Variants in PHACTR4 observed in about 807,000 individuals in gnomAD.
PHACTR4 encodes the protein phosphatase and actin regulator 4, also known as protein phosphatase 1, regulatory subunit 124.
In PHACTR4, 51 loss-of-function variants were observed where a neutral mutation model predicts 72.7. The ratio of observed to expected loss-of-function variants is 0.70; its 90% CI spans 0.56 to 0.89. PHACTR4 has a LOEUF of 0.89. PHACTR4 is among the 40% of genes least tolerant of loss of function. The pLI is 0.00. For missense variants in PHACTR4, 731 were observed against 861.8 expected (o/e 0.85, Z 1.90); for synonymous variants, 255 against 302.5 (o/e 0.84, Z 1.63).
At chr1:28,464,044 CTTTTTTT>C (rs74771369) in intron 4 of PHACTR4, among the ~76,000 whole-genome samples, 2 of 131,360 alleles carry the variant, frequency 1.5e-5, no homozygotes, top group Non-Finnish European at 1.6e-5. Flanking sequence ...ATAACCATTT[CTTTTTTT>C]TTTTTTTTTT....
chr1:28,482,992 C>T (rs1660374648), intron 9 of PHACTR4, among the ~76,000 whole-genome samples: 1 of 151,276 alleles, frequency 6.6e-6, no homozygotes, highest in South Asian at 2.1e-4. Context: ...TACCTCAGGG[C>T]AAGTTTTCCC....
At chr1:28,417,298 A>C (rs1655165850) in intron 2 of PHACTR4, among the ~76,000 whole-genome samples, 1 of 152,098 alleles carries the variant, frequency 6.6e-6, no homozygotes, top group Non-Finnish European at 1.5e-5. Context: ...ATAATACTGA[A>C]CCCCAATATG....
intron 1 of PHACTR4, among the ~76,000 whole-genome samples, chr1:28,385,463 GA>G (rs1557777834): frequency 6.7e-6 from 1 of 148,636 alleles, no homozygotes; most frequent in East Asian, 2.0e-4. Context: ...AGAATTGCTT[GA>G]ACCTGGAGGC....
intron 2 of PHACTR4, among the ~76,000 whole-genome samples, chr1:28,411,747 C>T (rs79914199): frequency 0.027 from 4,141 of 152,088 alleles, 88 homozygotes; most frequent in Non-Finnish European, 0.04. Flanking sequence ...TAGAAATCAC[C>T]ACTAAAGAAC....
intron 2 of PHACTR4, among the ~76,000 whole-genome samples, chr1:28,447,389 T>G (rs1024810002): frequency 6.7e-6 from 1 of 149,752 alleles, no homozygotes; most frequent in African/African-American, 2.5e-5. Context: ...TTCCTCTTTC[T>G]TTTTTCTTTT....
intron 2 of PHACTR4, among the ~76,000 whole-genome samples, chr1:28,452,134 G>T (rs1472944284): frequency 6.6e-6 from 1 of 152,056 alleles, no homozygotes; most frequent in Non-Finnish European, 1.5e-5. Flanking sequence ...TTTCAACTGT[G>T]TGGGTTCTTA....
Position 28,449,726 on chromosome 1 carries a change from C to A in PHACTR4, c.17-9359C>A, listed in dbSNP as rs534175047. Among the ~76,000 whole-genome samples, 5 of 152,064 alleles carry A rather than the reference C, an allele frequency of 3.3e-5. No individual in the cohort carries two copies. The East Asian group carries it at 9.7e-4, about 29-fold the overall frequency. On this transcript the variant is annotated intron_variant, in intron 2 of 13. Coordinates refer to ENST00000373839, the MANE Select transcript of PHACTR4 (RefSeq NM_001048183.3). ...AGTTAGCCAGGCGTGGTGGTGGGCA[C>A]CTGTAATCCCAGCTACTTGGGAGGC...
At chr1:28,423,441 A>G (rs973023952) in intron 2 of PHACTR4, among the ~76,000 whole-genome samples, 8 of 147,724 alleles carry the variant, frequency 5.4e-5, no homozygotes, top group Non-Finnish European at 1.2e-4. Flanking sequence ...ATAAATAAAT[A>G]AATGAGTAAA....
chr1:28,469,677 T>A (rs1225112715), intron 6 of PHACTR4, among the ~76,000 whole-genome samples: 1 of 151,074 alleles, frequency 6.6e-6, no homozygotes, highest in Non-Finnish European at 1.5e-5. Context: ...TTTCCAAAAA[T>A]ATCTCTTTCA....
chr1:28,391,003 G>T (rs1170748715), intron 1 of PHACTR4, among the ~76,000 whole-genome samples: 1 of 150,854 alleles, frequency 6.6e-6, no homozygotes, highest in Non-Finnish European at 1.5e-5. Flanking sequence ...GCTGAGGTGG[G>T]AAGATCTCAC....
At chr1:28,433,220 C>T (rs1440263743) in intron 2 of PHACTR4, among the ~76,000 whole-genome samples, 9 of 152,186 alleles carry the variant, frequency 5.9e-5, no homozygotes, top group African/African-American at 2.2e-4. Flanking sequence ...AGTGATTCTT[C>T]CTTTTACATT....
chr1:28,379,179 T>G (rs1313848309), intron 1 of PHACTR4, among the ~76,000 whole-genome samples: 1 of 152,104 alleles, frequency 6.6e-6, no homozygotes, highest in Non-Finnish European at 1.5e-5. Context: ...GGTCTTGAAC[T>G]CCTAGGCTTA....
intron 9 of PHACTR4, among the ~76,000 whole-genome samples, chr1:28,486,217 G>C (rs767415275): frequency 5.9e-5 from 9 of 152,080 alleles, no homozygotes; most frequent in African/African-American, 2.2e-4. Flanking sequence ...TTAGCTGGGC[G>C]TGGTAGCACA....
At chr1:28,371,996 C>T (rs543762555) in intron 1 of PHACTR4, among the ~76,000 whole-genome samples, 1 of 152,112 alleles carries the variant, frequency 6.6e-6, no homozygotes, top group Non-Finnish European at 1.5e-5. Context: ...ATTCTCCTGC[C>T]TCAGCCTCCC....
At chr1:28,424,219 T>C (rs1259066145) in intron 2 of PHACTR4, among the ~76,000 whole-genome samples, 1 of 152,072 alleles carries the variant, frequency 6.6e-6, no homozygotes, top group Non-Finnish European at 1.5e-5. Flanking sequence ...TGAGGCAGGG[T>C]CTCACTCTGT....
In PHACTR4 at chr1:28,409,367, C is replaced by T. The variant is rs1383398384; in HGVS notation, c.16+1904C>T. Among the ~76,000 whole-genome samples, 5 of 152,106 alleles carry T rather than the reference C, an allele frequency of 3.3e-5. No individual in the cohort carries two copies. In the East Asian group the frequency reaches 5.8e-4, roughly 18 times the overall value. ...TAGCTAGGACTACAGGCATACTCCA[C>T]CACTCCTGGCCCTATTTTTAACTGA... is the stretch of plus-strand genomic sequence containing the variant. On this transcript the variant is annotated intron_variant, in intron 2 of 13. Coordinates refer to ENST00000373839, the MANE Select transcript of PHACTR4 (RefSeq NM_001048183.3).
intron 2 of PHACTR4, among the ~76,000 whole-genome samples, chr1:28,413,532 A>G (rs1654913772): frequency 1.3e-5 from 2 of 152,086 alleles, no homozygotes; most frequent in African/African-American, 4.8e-5. Flanking sequence ...ATAATTATCT[A>G]ATTCATTTCT....
Position 28,496,721 on chromosome 1 carries a change from G to A in PHACTR4, c.*172G>A. The stretch of plus-strand genomic sequence containing the variant: ...ATTTCACTGGAACAGAGTCTTATGT[G>A]CTGCACCGGGGGCAAAACAACACTT... On this transcript the variant is annotated 3_prime_UTR_variant, in exon 14 of 14. Coordinates refer to ENST00000373839, the MANE Select transcript of PHACTR4 (RefSeq NM_001048183.3). 3 of 729,874 alleles carry A rather than the reference G, an allele frequency of 4.1e-6. No homozygotes were observed. Among genetic ancestry groups the A allele is most frequent in the Non-Finnish European group, 4.7e-6 (2 of 426,732 alleles). 45.2% of individuals were successfully genotyped at this position (729,874 alleles called of 1,614,324 possible).
At chr1:28,381,091 C>T (rs1652127414) in intron 1 of PHACTR4, among the ~76,000 whole-genome samples, 2 of 151,358 alleles carry the variant, frequency 1.3e-5, no homozygotes, top group Admixed American at 1.3e-4. Flanking sequence ...TCACTGCAGC[C>T]TCTGCCTCCC....
Sources: gnomAD v4.1 joint callset for allele counts (sites outside exome capture counted in the v4.1 genomes callset) on GRCh38, gnomAD v4.1.1 for gene constraint, MANE v1.5 for transcripts, NCBI Gene and HGNC (gene_info 2026-07-23, HGNC 2026-07-21) for gene names.